The following RGS6 variants were observed in gnomAD, a reference collection of about 807,000 sequenced individuals.
RGS6 encodes the protein regulator of G protein signaling 6.
Under a neutral mutation model 78.5 loss-of-function variants are expected in RGS6, and 30 were observed. The ratio of observed to expected loss-of-function variants is 0.38; its 90% CI spans 0.29 to 0.52. The LOEUF is 0.52. RGS6 is among the 20% of genes least tolerant of loss of function. The probability of loss-of-function intolerance (pLI) is 0.85; values close to 1 mark genes in which losing one functional copy is unlikely to be tolerated. For synonymous variants in RGS6, 206 were observed against 206.0 expected (o/e 1.00, Z 0.00); for missense variants, 495 against 609.7 (o/e 0.81, Z 1.98).
intron 13 of RGS6, among the ~76,000 whole-genome samples, chr14:72,500,468 A>G (rs1182003038): frequency 2.0e-5 from 3 of 152,240 alleles, no homozygotes; most frequent in South Asian, 4.1e-4. Context: ...GACCAATAAA[A>G]TAATTGAGTC....
intron 2 of RGS6, among the ~76,000 whole-genome samples, chr14:72,060,285 C>A (rs946480195): frequency 4.6e-5 from 7 of 151,608 alleles, no homozygotes; most frequent in Non-Finnish European, 8.8e-5. Context: ...AATTTCCCTG[C>A]AAGTATTTAT....
chr14:72,566,671 ACACACACAC>A (rs2097712808), downstream of RGS6: 4 of 134,888 alleles, frequency 3.0e-5, no homozygotes, highest in African/African-American at 1.2e-4. Context: ...ACACACACAC[ACACACACAC>A]ACCTGTTTCC....
chr14:72,012,888 A>G (rs1283889182), intron 2 of RGS6, among the ~76,000 whole-genome samples: 1 of 152,180 alleles, frequency 6.6e-6, no homozygotes. Flanking sequence ...AACAAATAAT[A>G]GTGTAAGCAA....
rs764764416 is a variant in RGS6, at chr14:72,352,067, A to G, written c.85-28A>G. The G allele has an allele frequency of 2.6e-6, 4 of 1,539,620 alleles. No individual in the cohort carries two copies. The Admixed American group carries it at 7.0e-5, about 27-fold the overall frequency. ...TTATAATTACATTATGGGAGAAAAT[A>G]ACACTTCTTTTCTTTAACCTCTTTC... On this transcript the variant is annotated intron_variant, in intron 2 of 17. Coordinates refer to ENST00000553525, the MANE Select transcript of RGS6 (RefSeq NM_001204424.2).
intron 2 of RGS6, among the ~76,000 whole-genome samples, chr14:71,972,375 A>G (rs2093866632): frequency 6.6e-6 from 1 of 151,868 alleles, no homozygotes; most frequent in Non-Finnish European, 1.5e-5. Flanking sequence ...TGTACCCTAG[A>G]ACTCCTTTAA....
intron 2 of RGS6, among the ~76,000 whole-genome samples, chr14:72,118,822 A>G (rs1011154432): frequency 8.5e-5 from 13 of 152,250 alleles, no homozygotes; most frequent in African/African-American, 3.1e-4. Flanking sequence ...ACTTAATTAT[A>G]AAATGCTAGA....
At chr14:71,939,698 AC>A (rs1366569938) in intron 1 of RGS6, among the ~76,000 whole-genome samples, 1 of 152,216 alleles carries the variant, frequency 6.6e-6, no homozygotes, top group East Asian at 1.9e-4. Context: ...AATTGGCATC[AC>A]CACTTGGTTA....
rs2097326070 is a variant in RGS6 at position 72,541,481 on chromosome 14, C to T, written c.1422+1387C>T. The T allele has an allele frequency of 2.0e-6, 3 of 1,535,630 alleles. No homozygotes were observed. The South Asian group carries it at 3.6e-5, about 18-fold the overall frequency. ...TCATGAGAAATCAGAATGTGCAGAA[C>T]ACAAGGCCTGCGGGTGCCTGGTCTA... On this transcript the variant is annotated intron_variant, in intron 17 of 17. Transcript: ENST00000553525.
At chr14:71,918,135 C>G in the RGS6 span, among the ~76,000 whole-genome samples, 181 of 130,602 alleles carry the variant, frequency 1.4e-3, no homozygotes, top group Non-Finnish European at 2.4e-3. Context: ...GAGCCGAGAT[C>G]GTGCCACTGC....
intron 2 of RGS6, among the ~76,000 whole-genome samples, chr14:72,331,478 C>T (rs558271270): frequency 1.6e-4 from 24 of 152,164 alleles, no homozygotes; most frequent in Non-Finnish European, 3.1e-4. Context: ...TCAGTGGAGA[C>T]AATTGCCCCG....
intron 1 of RGS6, among the ~76,000 whole-genome samples, chr14:71,953,969 G>GTTTTTTTTTTTTTTTTTTTTTTTTTT (rs3053026): frequency 1.3e-5 from 1 of 76,078 alleles, no homozygotes. Flanking sequence ...CTAAGTGGGC[G>GTTTTTTTTTTTTTTTTTTTTTTTTTT]TTTTTTTTTT....
At chr14:71,914,097 C>T in the RGS6 span, among the ~76,000 whole-genome samples, 4 of 152,152 alleles carry the variant, frequency 2.6e-5, no homozygotes, top group African/African-American at 7.2e-5. Flanking sequence ...TTACATGTGC[C>T]GTGCGCCCTG....
At chr14:72,253,940 A>C (rs117448356) in intron 2 of RGS6, among the ~76,000 whole-genome samples, 1 of 152,348 alleles carries the variant, frequency 6.6e-6, no homozygotes, top group East Asian at 1.9e-4. Flanking sequence ...ACCTCTGCTC[A>C]CTGCCATCCC....
the RGS6 span, among the ~76,000 whole-genome samples, chr14:71,920,316 C>T: frequency 3.3e-5 from 5 of 152,192 alleles, no homozygotes; most frequent in East Asian, 1.9e-4. Flanking sequence ...TTTTGGCCAC[C>T]TTTGTCTTCA....
At position 72,441,046 on chromosome 14, in the gene RGS6, A is replaced by G. The variant is rs1760908142; in HGVS notation, c.185-13482A>G. Among the ~76,000 whole-genome samples the G allele has an allele frequency of 3.3e-5, 5 of 152,106 alleles. No individual in the cohort carries two copies. The South Asian group carries it at 8.3e-4, about 25-fold the overall frequency. On this transcript the variant is annotated intron_variant, in intron 3 of 17. Coordinates refer to ENST00000553525, the MANE Select transcript of RGS6 (RefSeq NM_001204424.2). ...TGCGAGTTGGGTGTCTGTTGCATCT[A>G]TGCATGTGTGCAGGTATGTATGACT...
At chr14:71,995,675 A>T (rs994604831) in intron 2 of RGS6, among the ~76,000 whole-genome samples, 8 of 152,210 alleles carry the variant, frequency 5.3e-5, no homozygotes, top group African/African-American at 1.9e-4. Flanking sequence ...TAGCAGGTGC[A>T]CCTGAAATGT....
upstream of RGS6, among the ~76,000 whole-genome samples, chr14:71,927,450 C>A (rs1159622495): frequency 2.0e-5 from 3 of 152,062 alleles, no homozygotes; most frequent in Non-Finnish European, 4.4e-5. Context: ...AAAAAAAAAT[C>A]CACTTCACAC....
chr14:72,205,204 G>A (rs1419827200), intron 2 of RGS6, among the ~76,000 whole-genome samples: 2 of 152,058 alleles, frequency 1.3e-5, no homozygotes, highest in African/African-American at 4.8e-5. Context: ...CTCTGGGAGT[G>A]GATCCACCCC....
chr14:72,522,262 C>T (rs2097054798), intron 15 of RGS6, among the ~76,000 whole-genome samples: 1 of 152,188 alleles, frequency 6.6e-6, no homozygotes, highest in Non-Finnish European at 1.5e-5. Flanking sequence ...TATAAGAACA[C>T]TAATCCCGTC....
Sources: allele counts gnomAD v4.1 joint callset (sites outside exome capture counted in the v4.1 genomes callset), GRCh38; gene constraint gnomAD v4.1.1; transcripts MANE v1.5; gene names NCBI Gene and HGNC (gene_info 2026-07-23, HGNC 2026-07-21).